SCHIP1: variants seen among roughly 807,000 people sequenced by gnomAD.
SCHIP1 encodes the protein schwannomin interacting protein 1.
Under a neutral mutation model 29.7 loss-of-function variants are expected in SCHIP1, and 8 were observed. The observed-to-expected ratio is 0.27, with a 90% CI of 0.16 to 0.49. The LOEUF (loss-of-function observed/expected upper bound fraction) is 0.49, where lower values mean the gene tolerates loss of function less well. Ranked by LOEUF, SCHIP1 falls within the 20% of genes least tolerant of loss-of-function variation. The probability of loss-of-function intolerance (pLI) is 0.99; values close to 1 mark genes in which losing one functional copy is unlikely to be tolerated. For missense variants in SCHIP1, 193 were observed against 294.6 expected, an observed-to-expected ratio of 0.66 and a Z score of 2.52; for synonymous variants, 76 against 94.9, an observed-to-expected ratio of 0.80 and a Z score of 1.16.
chr3:159,645,038 C>A, the SCHIP1 span, among the ~76,000 whole-genome samples: 1 of 152,186 alleles, frequency 6.6e-6, no homozygotes, highest in African/African-American at 2.4e-5. Flanking sequence ...AGGCAGAGAA[C>A]ATCTGCTTTA....
At chr3:159,303,356 C>T in the SCHIP1 span, among the ~76,000 whole-genome samples, 1 of 151,616 alleles carries the variant, frequency 6.6e-6, no homozygotes, top group Non-Finnish European at 1.5e-5. Flanking sequence ...CCTTCTTTTT[C>T]CAGAGGCAGA....
chr3:159,502,431 C>T, the SCHIP1 span, among the ~76,000 whole-genome samples: 1 of 152,056 alleles, frequency 6.6e-6, no homozygotes, highest in Non-Finnish European at 1.5e-5. Flanking sequence ...CCAATCGAGT[C>T]CTACAGGGCA....
the SCHIP1 span, among the ~76,000 whole-genome samples, chr3:159,377,530 T>C: frequency 1.3e-5 from 2 of 152,238 alleles, no homozygotes; most frequent in Admixed American, 6.5e-5. Context: ...CGGCTGAAGA[T>C]GGCTGAAGGT....
chr3:159,414,443 C>T, the SCHIP1 span, among the ~76,000 whole-genome samples: 1 of 151,126 alleles, frequency 6.6e-6, no homozygotes, highest in African/African-American at 2.4e-5. Context: ...GAGTCCGAAG[C>T]CACACTCTTT....
chr3:159,449,885 G>A, the SCHIP1 span, among the ~76,000 whole-genome samples: 16 of 151,022 alleles, frequency 1.1e-4, 1 homozygote, highest in East Asian at 3.9e-4. Context: ...AAGAAAGAAA[G>A]AAGGGAAGAA....
At chr3:159,436,330 T>C in the SCHIP1 span, among the ~76,000 whole-genome samples, 1 of 152,198 alleles carries the variant, frequency 6.6e-6, no homozygotes, top group African/African-American at 2.4e-5. Flanking sequence ...CATTGGATGA[T>C]ATTTACATTT....
the SCHIP1 span, among the ~76,000 whole-genome samples, chr3:159,752,961 C>T: frequency 0.026 from 3,958 of 152,282 alleles, 57 homozygotes; most frequent in Middle Eastern, 0.078. Flanking sequence ...TTTTTCACTA[C>T]GGTAAATGCT....
chr3:159,673,228 C>A, the SCHIP1 span, among the ~76,000 whole-genome samples: 3 of 152,150 alleles, frequency 2.0e-5, no homozygotes, highest in East Asian at 3.9e-4. Flanking sequence ...TAAGCTAATA[C>A]CTTCACAGAA....
chr3:159,649,592 C>T, the SCHIP1 span, among the ~76,000 whole-genome samples: 1 of 151,968 alleles, frequency 6.6e-6, no homozygotes, highest in Non-Finnish European at 1.5e-5. Flanking sequence ...AGACAGAAAA[C>T]TAATTGAAGA....
At chr3:159,579,210 G>A in the SCHIP1 span, among the ~76,000 whole-genome samples, 1 of 152,194 alleles carries the variant, frequency 6.6e-6, no homozygotes, top group Admixed American at 6.6e-5. Context: ...AACAGGTTTT[G>A]TGGTAAGTAT....
At chr3:159,493,084 A>T in the SCHIP1 span, among the ~76,000 whole-genome samples, 1 of 152,216 alleles carries the variant, frequency 6.6e-6, no homozygotes, top group Non-Finnish European at 1.5e-5. Context: ...CCTGCCCTAA[A>T]AGAGCTCCTG....
chr3:159,882,452 A>T (rs1323172583), intron 2 of SCHIP1, among the ~76,000 whole-genome samples: 1 of 151,996 alleles, frequency 6.6e-6, no homozygotes, highest in African/African-American at 2.4e-5. Flanking sequence ...GCAAGTAGAA[A>T]ATCAAGAAAA....
chr3:159,896,479 A>C (rs1438364955), intron 6 of SCHIP1, among the ~76,000 whole-genome samples: 1 of 152,222 alleles, frequency 6.6e-6, no homozygotes, highest in African/African-American at 2.4e-5. Context: ...TAAAAGTAGT[A>C]ATGTCTAAAA....
At chr3:159,419,463 C>T in the SCHIP1 span, among the ~76,000 whole-genome samples, 5 of 152,158 alleles carry the variant, frequency 3.3e-5, no homozygotes, top group Non-Finnish European at 7.4e-5. Flanking sequence ...ATTTAGGGAG[C>T]ACATTCTTTC....
chr3:159,466,043 T>C, the SCHIP1 span, among the ~76,000 whole-genome samples: 1 of 152,162 alleles, frequency 6.6e-6, no homozygotes, highest in East Asian at 1.9e-4. Flanking sequence ...AAGGATTTTT[T>C]TGAAAAAAAA....
the SCHIP1 span, among the ~76,000 whole-genome samples, chr3:159,429,830 C>T: frequency 2.6e-5 from 4 of 152,250 alleles, no homozygotes; most frequent in African/African-American, 7.2e-5. Flanking sequence ...GATAAAGCCT[C>T]TGAAGAATTT....
chr3:159,542,506 A>G, the SCHIP1 span, among the ~76,000 whole-genome samples: 2 of 152,034 alleles, frequency 1.3e-5, no homozygotes, highest in East Asian at 3.9e-4. Context: ...ACTGAGCATA[A>G]TCACTCAGAG....
At chr3:159,312,304 G>C in the SCHIP1 span, among the ~76,000 whole-genome samples, 1 of 152,136 alleles carries the variant, frequency 6.6e-6, no homozygotes, top group Non-Finnish European at 1.5e-5. Flanking sequence ...ATCACAGATT[G>C]GTGAGAAAGT....
chr3:159,575,242 CTT>C, the SCHIP1 span, among the ~76,000 whole-genome samples: 1 of 152,180 alleles, frequency 6.6e-6, no homozygotes, highest in Non-Finnish European at 1.5e-5. Flanking sequence ...TTGCGACTGT[CTT>C]TTAACTAGCA....
Sources: gnomAD v4.1 joint callset for allele counts (sites outside exome capture counted in the v4.1 genomes callset) on GRCh38, gnomAD v4.1.1 for gene constraint, MANE v1.5 for transcripts, NCBI Gene and HGNC (gene_info 2026-07-23, HGNC 2026-07-21) for gene names.